Variants in KIAA1217 observed in about 807,000 individuals in gnomAD.
The protein encoded by KIAA1217 is KIAA1217.
A neutral mutation model predicts 163.9 loss-of-function variants in KIAA1217; 88 were observed. That is an observed-to-expected ratio of 0.54 (90% CI 0.45 to 0.64). The LOEUF (loss-of-function observed/expected upper bound fraction) is 0.64, where lower values mean the gene tolerates loss of function less well. Among genes scored for constraint, KIAA1217 ranks in the 30% least tolerant of loss-of-function variants. The pLI, the probability that KIAA1217 is intolerant of heterozygous loss-of-function variation, is 0.00. For missense variants in KIAA1217, 2,372 were observed against 2,475.0 expected (o/e 0.96, Z 0.88); for synonymous variants, 903 against 923.1 (o/e 0.98, Z 0.39).
chr10:24,189,529 T>C (rs1004830448), intron 2 of KIAA1217, among the ~76,000 whole-genome samples: 1 of 151,958 alleles, frequency 6.6e-6, no homozygotes, highest in Non-Finnish European at 1.5e-5. Flanking sequence ...GAGTAATACC[T>C]TTTTCTCACC....
intron 14 of KIAA1217, among the ~76,000 whole-genome samples, chr10:24,528,837 G>A (rs891334615): frequency 2.6e-5 from 4 of 151,786 alleles, no homozygotes; most frequent in South Asian, 2.1e-4. Flanking sequence ...ATGAGCTCTC[G>A]GGGGATATTA....
chr10:24,331,087 G>T (rs985211557), intron 2 of KIAA1217, among the ~76,000 whole-genome samples: 3 of 151,874 alleles, frequency 2.0e-5, no homozygotes, highest in African/African-American at 7.3e-5. Flanking sequence ...GGGACCACAG[G>T]CAAGCACCAT....
intron 2 of KIAA1217, among the ~76,000 whole-genome samples, chr10:24,061,845 A>C (rs143050912): frequency 6.6e-6 from 1 of 152,230 alleles, no homozygotes; most frequent in East Asian, 1.9e-4. Flanking sequence ...TTTGATTATA[A>C]CGTGCCTTTG....
intron 1 of KIAA1217, among the ~76,000 whole-genome samples, chr10:23,846,053 GT>G (rs878939045): frequency 3.3e-5 from 5 of 151,992 alleles, no homozygotes; most frequent in Admixed American, 2.0e-4. Context: ...GATGTGTGGT[GT>G]TTTTTCTGAG....
intron 2 of KIAA1217, among the ~76,000 whole-genome samples, chr10:24,280,774 C>T (rs952613550): frequency 2.0e-5 from 3 of 146,448 alleles, no homozygotes; most frequent in African/African-American, 7.6e-5. Flanking sequence ...TGCGCCACTG[C>T]ACTCCAGCCT....
intron 2 of KIAA1217, among the ~76,000 whole-genome samples, chr10:24,076,324 GCGCAGGGC>G (rs1168811498): frequency 6.6e-6 from 1 of 152,192 alleles, no homozygotes; most frequent in African/African-American, 2.4e-5. Flanking sequence ...GTGGAGAGAG[GCGCAGGGC>G]CCCATAGCCT....
At chr10:24,504,659 T>G (rs2068105799) in intron 9 of KIAA1217, among the ~76,000 whole-genome samples, 1 of 152,196 alleles carries the variant, frequency 6.6e-6, no homozygotes, top group East Asian at 1.9e-4. Context: ...AATTCAAATA[T>G]TCTTTGAACT....
In KIAA1217 at chr10:24,513,412, G is replaced by A. The variant is rs2069517508; in HGVS notation, c.2155G>A (p.Glu719Lys). Residue 719 changes from glutamate (E) to lysine (K), a missense_variant, in exon 10 of 21, where the codon GAG becomes AAG. Glu to Lys is a moderately conservative substitution (Grantham distance 56). Coordinates refer to ENST00000376454, the MANE Select transcript of KIAA1217 (RefSeq NM_019590.5). Reference protein sequence around the residue: ...QERQKYLHEEEKIVKKLCELE... With the variant: ...QERQKYLHEEKKIVKKLCELE... ...GAGACAAAAATATCTTCATGAGGAA[G>A]AGAAGATCGTCAAGAAGTTGTGGTG... 1.9e-6 allele frequency: 3 copies of A among 1,614,102 alleles called. No homozygotes were observed. Among genetic ancestry groups the A allele is most frequent in the South Asian group, 1.1e-5 (1 of 91,080 alleles).
At chr10:24,479,478 C>T (rs933093627) in intron 6 of KIAA1217, among the ~76,000 whole-genome samples, 4 of 151,566 alleles carry the variant, frequency 2.6e-5, no homozygotes, top group Admixed American at 2.0e-4. Context: ...GCCACATCAG[C>T]GATATCCTAA....
intron 2 of KIAA1217, among the ~76,000 whole-genome samples, chr10:24,286,747 T>C (rs1366728615): frequency 6.6e-6 from 1 of 152,210 alleles, no homozygotes; most frequent in African/African-American, 2.4e-5. Flanking sequence ...TGGGTAACTT[T>C]GTTTTACTCC....
intron 6 of KIAA1217, among the ~76,000 whole-genome samples, chr10:24,490,773 C>T (rs911155200): frequency 6.6e-6 from 1 of 152,186 alleles, no homozygotes; most frequent in Non-Finnish European, 1.5e-5. Context: ...AGCATCTGAA[C>T]TCTCCAGGGG....
intron 2 of KIAA1217, among the ~76,000 whole-genome samples, chr10:24,025,138 A>T (rs141184799): frequency 1.2e-3 from 184 of 151,888 alleles, no homozygotes; most frequent in Non-Finnish European, 2.3e-3. Flanking sequence ...AAAAGTTTGA[A>T]TCTTTTTAGG....
intron 1 of KIAA1217, among the ~76,000 whole-genome samples, chr10:23,890,302 A>T (rs894420954): frequency 6.6e-6 from 1 of 151,776 alleles, no homozygotes; most frequent in African/African-American, 2.4e-5. Context: ...CTAAATTCTT[A>T]AAATAGACAC....
At chr10:23,829,509 A>C (rs1305364470) in intron 1 of KIAA1217, among the ~76,000 whole-genome samples, 1 of 152,220 alleles carries the variant, frequency 6.6e-6, no homozygotes, top group Non-Finnish European at 1.5e-5. Context: ...AGTAAGATTC[A>C]GATATGATAT....
chr10:24,466,553 G>T, intron 5 of KIAA1217: 1 of 985,330 alleles, frequency 1.0e-6, no homozygotes, highest in Non-Finnish European at 1.2e-6. Context: ...GCTTCTCTCC[G>T]AAAACTGGGT....
intron 2 of KIAA1217, among the ~76,000 whole-genome samples, chr10:24,096,320 T>C (rs1274381316): frequency 6.6e-6 from 1 of 152,150 alleles, no homozygotes; most frequent in African/African-American, 2.4e-5. Context: ...CTTGAATCCA[T>C]GTATTTTCTC....
intron 9 of KIAA1217, among the ~76,000 whole-genome samples, chr10:24,503,138 G>A (rs1564814202): frequency 6.6e-6 from 1 of 152,274 alleles, no homozygotes; most frequent in East Asian, 1.9e-4. Context: ...ACCACCTAAT[G>A]AAAGCTAAGA....
intron 1 of KIAA1217, among the ~76,000 whole-genome samples, chr10:23,833,752 A>G (rs1301630345): frequency 6.6e-6 from 1 of 151,768 alleles, no homozygotes; most frequent in African/African-American, 2.4e-5. Flanking sequence ...CTTACCTACT[A>G]CTCTTCAAAT....
chr10:24,373,049 C>G (rs1208042349), intron 2 of KIAA1217, among the ~76,000 whole-genome samples: 1 of 152,198 alleles, frequency 6.6e-6, no homozygotes, highest in East Asian at 1.9e-4. Flanking sequence ...CTTGTCCAAT[C>G]CAATAAAACC....
Sources: allele counts gnomAD v4.1 joint callset (sites outside exome capture counted in the v4.1 genomes callset), GRCh38; gene constraint gnomAD v4.1.1; transcripts MANE v1.5; gene names NCBI Gene and HGNC (gene_info 2026-07-23, HGNC 2026-07-21).